Variants in C12orf75 observed in about 807,000 individuals in gnomAD.
C12orf75 encodes the protein overexpressed in colon carcinoma 1 protein.
C12orf75 carries 4 observed loss-of-function variants against 11.4 expected under a neutral mutation model. The observed-to-expected ratio is 0.35, with a 90% CI of 0.17 to 0.80. The LOEUF (loss-of-function observed/expected upper bound fraction) is 0.80, where lower values mean the gene tolerates loss of function less well. C12orf75 is among the 30% of genes least tolerant of loss of function. The pLI is 0.52. For missense variants in C12orf75, 89 were observed against 80.4 expected (o/e 1.11, Z -0.41); for synonymous variants, 30 against 30.0 (o/e 1.00, Z 0.00).
intron 2 of C12orf75, among the ~76,000 whole-genome samples, chr12:105,352,871 G>A (rs994915454): frequency 6.6e-6 from 1 of 152,138 alleles, no homozygotes; most frequent in African/African-American, 2.4e-5. Flanking sequence ...GCCTACATGT[G>A]TATCAGAAAA....
At chr12:105,356,732 C>A (rs1892786860) in intron 2 of C12orf75, among the ~76,000 whole-genome samples, 1 of 151,970 alleles carries the variant, frequency 6.6e-6, no homozygotes, top group African/African-American at 2.4e-5. Context: ...ATCTTTAGGT[C>A]ACTTGGGATA....
chr12:105,361,944 A>T (rs1332971150), intron 2 of C12orf75, among the ~76,000 whole-genome samples: 1 of 152,254 alleles, frequency 6.6e-6, no homozygotes. Flanking sequence ...TTGTACCTGC[A>T]TAAAAATGAC....
At position 105,349,683 on chromosome 12, in the gene C12orf75, C is replaced by T. The variant is rs1324789813; in HGVS notation, c.71+1057C>T. On this transcript the variant is annotated intron_variant, in intron 2 of 5. Coordinates refer to ENST00000443585, the MANE Select transcript of C12orf75 (RefSeq NM_001145199.2). ...TTGAGGTCAGGAGTTCAAGACCAAC[C>T]TGGCCAACATGGTGAAACCCTGTCT... Among the ~76,000 whole-genome samples, 3 of 151,944 alleles carry T rather than the reference C, an allele frequency of 2.0e-5. No individual in the cohort carries two copies. The East Asian group carries it at 5.8e-4, about 29-fold the overall frequency.
At chr12:105,333,583 G>A (rs555501135) in intron 1 of C12orf75, among the ~76,000 whole-genome samples, 22 of 152,292 alleles carry the variant, frequency 1.4e-4, no homozygotes, top group African/African-American at 5.3e-4. Flanking sequence ...AGTCTGGACA[G>A]TGAGCTTAAG....
At position 105,354,072 on chromosome 12, in the gene C12orf75, A is replaced by G. The variant is rs576201101; in HGVS notation, c.71+5446A>G. Among the ~76,000 whole-genome samples, 3 of 152,330 alleles carry G rather than the reference A, an allele frequency of 2.0e-5. No individual in the cohort carries two copies. The South Asian group carries it at 6.2e-4, about 32-fold the overall frequency. On this transcript the variant is annotated intron_variant, in intron 2 of 5. Coordinates refer to ENST00000443585, the MANE Select transcript of C12orf75 (RefSeq NM_001145199.2). ...GTCAGCTGAGCCCTCTCTGCTCCTC[A>G]TAGATACAGACCTTAGGGTATCTGA...
At chr12:105,339,768 C>T (rs996283327) in intron 1 of C12orf75, among the ~76,000 whole-genome samples, 2 of 152,142 alleles carry the variant, frequency 1.3e-5, no homozygotes, top group Admixed American at 1.3e-4. Context: ...AGGCGCCCGC[C>T]ACCACGCTCA....
chr12:105,341,531 T>A (rs747257288), intron 1 of C12orf75, among the ~76,000 whole-genome samples: 1 of 152,200 alleles, frequency 6.6e-6, no homozygotes, highest in Non-Finnish European at 1.5e-5. Flanking sequence ...TCAGGCTCAA[T>A]GATTTGCTAG....
chr12:105,330,841 AG>A lies in C12orf75; in HGVS notation c.-49del. On this transcript the variant is annotated 5_prime_UTR_variant, in exon 1 of 6. Coordinates refer to ENST00000443585, the MANE Select transcript of C12orf75 (RefSeq NM_001145199.2). ...GCCCTTCGTCTGGGTCTCCGCCCCC[AG>A]GACCCGCGGCCGAGAGCTCCGGAGC... 1 of 1,246,770 alleles carries A rather than the reference AG, an allele frequency of 8.0e-7. No individual in the cohort carries two copies. The highest frequency in any genetic ancestry group is 1.0e-6 in the Non-Finnish European group (1 of 996,790). 77.2% of individuals were successfully genotyped at this position (1,246,770 alleles called of 1,614,324 possible). A position where few individuals can be genotyped will look rare whatever the true frequency, so the allele number is the denominator to read the frequency against.
At chr12:105,352,758 A>G (rs1176738372) in intron 2 of C12orf75, among the ~76,000 whole-genome samples, 6 of 152,170 alleles carry the variant, frequency 3.9e-5, no homozygotes, top group African/African-American at 7.2e-5. Context: ...CGATGCATGT[A>G]AATCCTATGA....
intron 1 of C12orf75, among the ~76,000 whole-genome samples, chr12:105,340,698 T>G (rs1469873395): frequency 6.6e-6 from 1 of 152,176 alleles, no homozygotes; most frequent in African/African-American, 2.4e-5. Flanking sequence ...GAATGCAACC[T>G]TATTTGGATA....
At chr12:105,360,781 T>C (rs1892851809) in intron 2 of C12orf75, among the ~76,000 whole-genome samples, 1 of 152,006 alleles carries the variant, frequency 6.6e-6, no homozygotes, top group Admixed American at 6.6e-5. Flanking sequence ...TCATCTTAGA[T>C]CTTTTTTTTT....
chr12:105,365,938 T>C, intron 3 of C12orf75, 96 bp downstream of exon 3: 1 of 834,558 alleles, frequency 1.2e-6, no homozygotes. Flanking sequence ...ACACAGATTC[T>C]GCCAGGAAAA....
At chr12:105,364,461 C>T (rs552436208) in intron 2 of C12orf75, among the ~76,000 whole-genome samples, 1 of 152,006 alleles carries the variant, frequency 6.6e-6, no homozygotes, top group Non-Finnish European at 1.5e-5. Context: ...TCATGGCCAG[C>T]GTTCACCAGA....
At chr12:105,348,731 G>T in intron 2 of C12orf75, 105 bp downstream of exon 2, 1 of 684,852 alleles carries the variant, frequency 1.5e-6, no homozygotes, top group Non-Finnish European at 2.4e-6. Flanking sequence ...GAAAAGACAT[G>T]GAAATACTTT....
At chr12:105,343,925 A>AT (rs1472622727) in intron 1 of C12orf75, among the ~76,000 whole-genome samples, 1 of 152,040 alleles carries the variant, frequency 6.6e-6, no homozygotes, top group Non-Finnish European at 1.5e-5. Context: ...CACCCCTACC[A>AT]TTGCAGTTAT....
chr12:105,339,781 T>A (rs1313204920), intron 1 of C12orf75, among the ~76,000 whole-genome samples: 2 of 151,940 alleles, frequency 1.3e-5, no homozygotes, highest in African/African-American at 4.8e-5. Flanking sequence ...CACGCTCAGC[T>A]AATTTTTTGT....
chr12:105,357,807 T>TGTGA (rs1491090986), intron 2 of C12orf75, among the ~76,000 whole-genome samples: 20 of 122,966 alleles, frequency 1.6e-4, no homozygotes, highest in East Asian at 3.2e-4. Context: ...TGTGTGTGTG[T>TGTGA]GAGAGAGAGA....
At chr12:105,366,424 T>A (rs1182839972) in intron 3 of C12orf75, 193 bp from the exon 4 acceptor site, 3 of 394,422 alleles carry the variant, frequency 7.6e-6, no homozygotes, top group Non-Finnish European at 1.3e-5. Flanking sequence ...TCTTTCTTTT[T>A]TTTAAAAAAA....
At chr12:105,349,098 T>C (rs1436420752) in intron 2 of C12orf75, among the ~76,000 whole-genome samples, 1 of 152,250 alleles carries the variant, frequency 6.6e-6, no homozygotes, top group Non-Finnish European at 1.5e-5. Flanking sequence ...ATAGTCACCA[T>C]TGAGCTATCT....
Sources: gnomAD v4.1 joint callset for allele counts (sites outside exome capture counted in the v4.1 genomes callset) on GRCh38, gnomAD v4.1.1 for gene constraint, MANE v1.5 for transcripts, NCBI Gene and HGNC (gene_info 2026-07-23, HGNC 2026-07-21) for gene names.